Variants in ZNF679 observed in about 807,000 individuals in gnomAD.
ZNF679 encodes hypothetical protein MGC42415.
In ZNF679, 10 loss-of-function variants were observed where a neutral mutation model predicts 13.4. The ratio of observed to expected loss-of-function variants is 0.75; its 90% CI spans 0.46 to 1.27. The LOEUF (loss-of-function observed/expected upper bound fraction) is 1.27, where lower values mean the gene tolerates loss of function less well. ZNF679 is among the 50% of genes most tolerant of loss of function. The pLI is 0.00. For synonymous variants in ZNF679, 179 were observed against 162.5 expected (o/e 1.10, Z -0.77); for missense variants, 525 against 477.8 (o/e 1.10, Z -0.92).
intron 1 of ZNF679, among the ~76,000 whole-genome samples, chr7:64,238,665 G>T (rs1176954163): frequency 6.6e-6 from 1 of 152,214 alleles, no homozygotes; most frequent in Non-Finnish European, 1.5e-5. Context: ...TGGGATTACA[G>T]GCATGAGCCA....
At chr7:64,260,043 G>T (rs1009036183) in intron 2 of ZNF679, among the ~76,000 whole-genome samples, 178 bp from the exon 3 acceptor site, 7 of 152,188 alleles carry the variant, frequency 4.6e-5, no homozygotes, top group African/African-American at 1.7e-4. Context: ...GTATTGTGGA[G>T]AGTTAGAGAA....
At chr7:64,256,875 T>C (rs1458677821) in intron 2 of ZNF679, among the ~76,000 whole-genome samples, 1 of 152,082 alleles carries the variant, frequency 6.6e-6, no homozygotes, top group Non-Finnish European at 1.5e-5. Context: ...TATTTGTATT[T>C]CTACTAGAGA....
Position 64,228,874 on chromosome 7 carries a change from C to G in ZNF679, c.-91+222C>G, listed in dbSNP as rs369647027. On this transcript the variant is annotated intron_variant, in intron 1 of 4. Coordinates refer to ENST00000421025, the MANE Select transcript of ZNF679 (RefSeq NM_153363.3). ...TGCCTCTGGGCATGAGATTCAGAAC[C>G]TCAACAGTGAGCTGTGTCCATATGG... Among the ~76,000 whole-genome samples, 8 of 152,290 alleles carry G rather than the reference C, an allele frequency of 5.3e-5. No homozygotes were observed. The South Asian group carries it at 8.3e-4, about 16-fold the overall frequency.
At chr7:64,238,523 G>C (rs918132728) in intron 1 of ZNF679, among the ~76,000 whole-genome samples, 1 of 152,074 alleles carries the variant, frequency 6.6e-6, no homozygotes, top group Admixed American at 6.5e-5. Flanking sequence ...GAGTAGCTGG[G>C]ATTACAGGTA....
intron 2 of ZNF679, among the ~76,000 whole-genome samples, chr7:64,249,415 C>CA (rs1341738069): frequency 2.6e-5 from 4 of 152,164 alleles, no homozygotes; most frequent in Admixed American, 2.6e-4. Flanking sequence ...TCTGCACTCC[C>CA]AGCGCCTCAT....
chr7:64,236,969 GAAAGAAA>G (rs1245161737), intron 1 of ZNF679, among the ~76,000 whole-genome samples: 2 of 33,572 alleles, frequency 6.0e-5, no homozygotes, highest in African/African-American at 1.8e-4. Flanking sequence ...AAGAAAGAAA[GAAAGAAA>G]AAGAAAGAAA....
chr7:64,245,859 A>T (rs1174042016), intron 1 of ZNF679, among the ~76,000 whole-genome samples: 3 of 152,068 alleles, frequency 2.0e-5, no homozygotes, highest in Non-Finnish European at 2.9e-5. Context: ...TACAAAAATT[A>T]TCTGGGTGTG....
At chr7:64,241,805 A>G (rs1053321458) in intron 1 of ZNF679, among the ~76,000 whole-genome samples, 4 of 152,184 alleles carry the variant, frequency 2.6e-5, no homozygotes, top group African/African-American at 9.7e-5. Flanking sequence ...CTCATGCAGG[A>G]GAGAAACATA....
intron 1 of ZNF679, among the ~76,000 whole-genome samples, chr7:64,229,812 A>G (rs957458316): frequency 2.6e-5 from 4 of 152,132 alleles, no homozygotes; most frequent in African/African-American, 9.7e-5. Flanking sequence ...TTCACTTCAG[A>G]GTGTGGATCA....
At chr7:64,236,132 G>T (rs1341295350) in intron 1 of ZNF679, among the ~76,000 whole-genome samples, 1 of 151,862 alleles carries the variant, frequency 6.6e-6, no homozygotes, top group East Asian at 2.0e-4. Flanking sequence ...TGGTGTGGTG[G>T]CTCACACCTG....
intron 2 of ZNF679, among the ~76,000 whole-genome samples, chr7:64,256,044 AT>A (rs1300404083): frequency 1.3e-5 from 2 of 151,774 alleles, no homozygotes; most frequent in East Asian, 1.9e-4. Flanking sequence ...TACCCAATAG[AT>A]TTTTTTTCTG....
At chr7:64,262,722 A>G (rs1270236653) in intron 4 of ZNF679, among the ~76,000 whole-genome samples, 1 of 152,192 alleles carries the variant, frequency 6.6e-6, no homozygotes, top group East Asian at 1.9e-4. Context: ...GTTGCTTTTT[A>G]TTATGTTTTA....
Position 64,266,754 on chromosome 7 carries a change from A to G in ZNF679, c.1121A>G (p.His374Arg). 1 of 1,611,274 alleles carries G rather than the reference A, an allele frequency of 6.2e-7. No individual in the cohort carries two copies. The highest frequency in any genetic ancestry group is 8.5e-7 in the Non-Finnish European group (1 of 1,178,614). ...ACTCTTAATACTCATAAGAGGATTC[A>G]TACTGGAGAGGAACCCTACAAATGT... ...SSTLNTHKRI[H>R]TGEEPYKCEE... The change falls in exon 5 of 5, where the codon CAT (histidine) becomes CGT (arginine). Residue 374 changes from histidine to arginine, a missense_variant. By Grantham distance (29) the His-to-Arg change is conservative (BLOSUM62 0). Coordinates refer to ENST00000421025, the MANE Select transcript of ZNF679 (RefSeq NM_153363.3).
chr7:64,234,611 C>G (rs967614412), intron 1 of ZNF679, among the ~76,000 whole-genome samples: 2 of 152,140 alleles, frequency 1.3e-5, no homozygotes, highest in African/African-American at 2.4e-5. Flanking sequence ...GAGAGCCCAG[C>G]CTGGTTGATA....
At chr7:64,261,984 G>A (rs1288535422) in intron 4 of ZNF679, among the ~76,000 whole-genome samples, 2 of 151,556 alleles carry the variant, frequency 1.3e-5, no homozygotes, top group Admixed American at 1.3e-4. Flanking sequence ...AGCCTCCTGA[G>A]TAACTGGGAT....
chr7:64,255,014 A>AAAAG (rs1554372356), intron 2 of ZNF679, among the ~76,000 whole-genome samples: 2 of 150,374 alleles, frequency 1.3e-5, no homozygotes, highest in Non-Finnish European at 3.0e-5. Flanking sequence ...AAAAAAAAAA[A>AAAAG]AAAGAAAAAA....
intron 1 of ZNF679, among the ~76,000 whole-genome samples, chr7:64,235,309 AAC>A (rs1787693653): frequency 1.3e-5 from 1 of 75,348 alleles, no homozygotes; most frequent in Admixed American, 1.2e-4. Flanking sequence ...AGAAAATAGA[AAC>A]AACATACAAT....
chr7:64,236,258 C>T (rs1173964763), intron 1 of ZNF679, among the ~76,000 whole-genome samples: 1 of 151,538 alleles, frequency 6.6e-6, no homozygotes, highest in African/African-American at 2.4e-5. Flanking sequence ...GGATGAGACT[C>T]TGTCAAAAAA....
intron 4 of ZNF679, 70 bp from the exon 5 acceptor site, chr7:64,265,826 T>C (rs185006343): frequency 6.7e-7 from 1 of 1,500,278 alleles, no homozygotes; most frequent in East Asian, 2.3e-5. Context: ...TAATTTTATA[T>C]ATTCGATTTG....
Sources: gnomAD v4.1 joint callset for allele counts (sites outside exome capture counted in the v4.1 genomes callset) on GRCh38, gnomAD v4.1.1 for gene constraint, MANE v1.5 for transcripts, NCBI Gene and HGNC (gene_info 2026-07-23, HGNC 2026-07-21) for gene names.